Variants in TDRD3 observed in about 807,000 individuals in gnomAD.
The protein encoded by TDRD3 is tudor domain containing 3, also known as tudor domain-containing protein 3.
In TDRD3, 45 loss-of-function variants were observed where a neutral mutation model predicts 86.7. The ratio of observed to expected loss-of-function variants is 0.52; its 90% CI spans 0.41 to 0.67. The LOEUF is 0.67. Among genes scored for constraint, TDRD3 ranks in the 30% least tolerant of loss-of-function variants. The probability of loss-of-function intolerance (pLI) is 0.00; values close to 1 mark genes in which losing one functional copy is unlikely to be tolerated. For missense variants in TDRD3, 814 were observed against 889.0 expected, an observed-to-expected ratio of 0.92 and a Z score of 1.07; for synonymous variants, 298 against 301.7, an observed-to-expected ratio of 0.99 and a Z score of 0.13.
At chr13:60,562,519 T>C (rs1019973076) in intron 12 of TDRD3, among the ~76,000 whole-genome samples, 1 of 152,288 alleles carries the variant, frequency 6.6e-6, no homozygotes, top group Admixed American at 6.5e-5. Context: ...TATATGAAAA[T>C]CAGTTTACAC....
Position 60,567,650 on chromosome 13 carries a change from G to A in TDRD3, c.*9G>A. 2 of 1,613,438 alleles carry A rather than the reference G, an allele frequency of 1.2e-6. No homozygotes were observed. The highest frequency in any genetic ancestry group is 2.2e-5 in the South Asian group (2 of 90,866). ...CCCGGGCTCGGAACTAATAGGAAAA[G>A]GTAAACTTAACATTGTGAAGTGGTT... On this transcript the variant is annotated splice_region_variant and 3_prime_UTR_variant, in exon 13 of 14. Coordinates refer to ENST00000377881, the MANE Select transcript of TDRD3 (RefSeq NM_001146070.2).
intron 8 of TDRD3, among the ~76,000 whole-genome samples, chr13:60,508,004 G>A (rs1415285022): frequency 1.3e-5 from 2 of 152,112 alleles, no homozygotes; most frequent in Non-Finnish European, 2.9e-5. Context: ...GCCAAATCAT[G>A]AGTGAACTGC....
Position 60,397,329 on chromosome 13 carries a change from C to G in TDRD3, c.-36C>G, listed in dbSNP as rs1164040488. 2.1e-6 allele frequency: 3 copies of G among 1,401,244 alleles called. No individual in the cohort carries two copies. The South Asian group carries it at 4.1e-5, about 19-fold the overall frequency. The allele number at this position is 1,401,244 out of a possible 1,614,324, so 86.8% of individuals were successfully genotyped here. On this transcript the variant is annotated 5_prime_UTR_variant, in exon 1 of 14. Transcript: ENST00000377881. Reference sequence around the variant, plus strand: ...TAGGAGGCCTCCCCATCACCCCCACCCCAGCCCCCCACCACCCCCGGCCTA... The same window carrying G: ...TAGGAGGCCTCCCCATCACCCCCACGCCAGCCCCCCACCACCCCCGGCCTA...
chr13:60,536,682 T>C (rs1595085745), intron 12 of TDRD3: 2 of 152,256 alleles, frequency 1.3e-5, no homozygotes, highest in African/African-American at 4.8e-5. Context: ...ACTTCTTACT[T>C]TTTAGAAGAC....
Position 60,451,808 on chromosome 13 carries a change from T to C in TDRD3, c.192+7060T>C, listed in dbSNP as rs1355613693. ...ATTTTCTAATCTTGTGATTGTAAAATACATTATTCTTCCTTAGGCTATTCT... is the reference window on the plus strand; with the variant it reads ...ATTTTCTAATCTTGTGATTGTAAAACACATTATTCTTCCTTAGGCTATTCT... On this transcript the variant is annotated intron_variant, in intron 3 of 13. Transcript: ENST00000377881. Among the ~76,000 whole-genome samples the C allele has an allele frequency of 2.6e-5, 4 of 152,294 alleles. No individual in the cohort carries two copies. The East Asian group carries it at 7.7e-4, about 29-fold the overall frequency.
At chr13:60,505,452 A>G (rs547874480) in intron 8 of TDRD3, among the ~76,000 whole-genome samples, 2 of 152,318 alleles carry the variant, frequency 1.3e-5, no homozygotes, top group South Asian at 4.1e-4. Context: ...AGGGGATTAT[A>G]GATAAAACTC....
intron 3 of TDRD3, among the ~76,000 whole-genome samples, chr13:60,445,464 T>C (rs1350516844): frequency 1.3e-5 from 2 of 152,192 alleles, no homozygotes; most frequent in Non-Finnish European, 2.9e-5. Context: ...ACTTTTCATC[T>C]CTATTGTTCT....
At chr13:60,524,801 A>T (rs992745536) in intron 10 of TDRD3, among the ~76,000 whole-genome samples, 1 of 151,960 alleles carries the variant, frequency 6.6e-6, no homozygotes, top group Non-Finnish European at 1.5e-5. Flanking sequence ...TAACTTCTTT[A>T]AAAAACACAA....
chr13:60,411,370 A>C (rs1693518356), intron 1 of TDRD3, among the ~76,000 whole-genome samples: 1 of 152,204 alleles, frequency 6.6e-6, no homozygotes, highest in African/African-American at 2.4e-5. Context: ...GTGCCTACTG[A>C]AGTTTGATTA....
intron 3 of TDRD3, among the ~76,000 whole-genome samples, chr13:60,446,105 A>G (rs1253303005): frequency 6.6e-6 from 1 of 152,196 alleles, no homozygotes; most frequent in Non-Finnish European, 1.5e-5. Flanking sequence ...AACTTTTCAC[A>G]TGAAACAAAA....
intron 1 of TDRD3, among the ~76,000 whole-genome samples, chr13:60,414,525 C>A (rs1391374989): frequency 6.6e-6 from 1 of 152,206 alleles, no homozygotes; most frequent in Admixed American, 6.5e-5. Context: ...TTCTTTATTA[C>A]TTAGAAAAAA....
intron 3 of TDRD3, among the ~76,000 whole-genome samples, chr13:60,453,900 A>C (rs1955603983): frequency 1.3e-5 from 2 of 151,492 alleles, no homozygotes; most frequent in African/African-American, 4.9e-5. Flanking sequence ...TCAACTCATT[A>C]GTTTTTTTTG....
intron 5 of TDRD3, among the ~76,000 whole-genome samples, chr13:60,470,111 CAT>C (rs758453606): frequency 2.4e-4 from 36 of 152,294 alleles, no homozygotes; most frequent in Middle Eastern, 3.4e-3. Context: ...CGAAGTAACT[CAT>C]ATGTGTGGAA....
chr13:60,545,315 T>C (rs1957915510), intron 12 of TDRD3, among the ~76,000 whole-genome samples: 1 of 152,142 alleles, frequency 6.6e-6, no homozygotes, highest in African/African-American at 2.4e-5. Flanking sequence ...GGAAGCCCAA[T>C]ATAGACTTTT....
At chr13:60,407,954 A>G (rs1288523187) in intron 1 of TDRD3, among the ~76,000 whole-genome samples, 2 of 152,150 alleles carry the variant, frequency 1.3e-5, no homozygotes, top group Non-Finnish European at 2.9e-5. Context: ...GTGATAGTGA[A>G]TACGTCTCGT....
intron 7 of TDRD3, among the ~76,000 whole-genome samples, chr13:60,493,476 A>G (rs1045199257): frequency 3.3e-5 from 5 of 152,040 alleles, no homozygotes; most frequent in Non-Finnish European, 7.4e-5. Context: ...AGCCTGGCCA[A>G]CATGGTGAAA....
At chr13:60,498,110 A>G (rs1293228898) in intron 8 of TDRD3, among the ~76,000 whole-genome samples, 4 of 152,192 alleles carry the variant, frequency 2.6e-5, no homozygotes, top group African/African-American at 9.6e-5. Flanking sequence ...GAAGGGATAC[A>G]ATGGCTTAGG....
intron 10 of TDRD3, 34 bp downstream of exon 10, chr13:60,510,789 C>CTTTTT: frequency 7.5e-7 from 1 of 1,340,894 alleles, no homozygotes. Context: ...CTTTTTTTTT[C>CTTTTT]TTTCTTTTCT....
Position 60,563,072 on chromosome 13 carries a change from A to G in TDRD3, c.2119-4453A>G, listed in dbSNP as rs1958372562. On this transcript the variant is annotated intron_variant, in intron 12 of 13. Coordinates refer to ENST00000377881, the MANE Select transcript of TDRD3 (RefSeq NM_001146070.2). Reference sequence around the variant, plus strand: ...GATGAAACCCCATCTCTACAAAACTACAAAAATTAGCTAGGCATGATGGCT... The same window carrying G: ...GATGAAACCCCATCTCTACAAAACTGCAAAAATTAGCTAGGCATGATGGCT... 2.0e-5 allele frequency among the ~76,000 whole-genome samples: 3 copies of G among 151,974 alleles called. No individual in the cohort carries two copies. The South Asian group carries it at 6.2e-4, about 32-fold the overall frequency.
Sources: gnomAD v4.1 joint callset for allele counts (sites outside exome capture counted in the v4.1 genomes callset) on GRCh38, gnomAD v4.1.1 for gene constraint, MANE v1.5 for transcripts, NCBI Gene and HGNC (gene_info 2026-07-23, HGNC 2026-07-21) for gene names.